Variants in EML4 observed in about 807,000 individuals in gnomAD.
The protein encoded by EML4 is EMAP like 4.
A neutral mutation model predicts 129.0 loss-of-function variants in EML4; 72 were observed. The observed-to-expected ratio is 0.56, with a 90% CI of 0.46 to 0.68. EML4 has a LOEUF of 0.68. Among genes scored for constraint, EML4 ranks in the 30% least tolerant of loss-of-function variants. The pLI is 0.00. For missense variants in EML4, 1,363 were observed against 1,190.6 expected, an observed-to-expected ratio of 1.14 and a Z score of -2.13; for synonymous variants, 532 against 405.0, an observed-to-expected ratio of 1.31 and a Z score of -3.77.
rs375707062 is a variant in EML4 at position 42,306,484 on chromosome 2, C to CTTTTTTTTTTTTTTTTTTT, written c.1967+1941_1967+1959dup. Among the ~76,000 whole-genome samples the CTTTTTTTTTTTTTTTTTTT allele has an allele frequency of 1.7e-3, 130 of 74,604 alleles. 23 individuals are homozygous for CTTTTTTTTTTTTTTTTTTT. Among genetic ancestry groups the CTTTTTTTTTTTTTTTTTTT allele is most frequent in the East Asian group, 8.4e-3 (15 of 1,790 alleles). The allele number at this position is 74,604 out of a possible 152,430, so 48.9% of individuals were successfully genotyped here. ...GTGTCTGATGACCTTGTGCTAAATC[C>CTTTTTTTTTTTTTTTTTTT]TTTTTTTTTTTTTTTTTTTTTTTTT... On this transcript the variant is annotated intron_variant, in intron 17 of 22. Coordinates refer to ENST00000318522, the MANE Select transcript of EML4 (RefSeq NM_019063.5).
At chr2:42,250,455 G>A (rs1675696341) in intron 2 of EML4, among the ~76,000 whole-genome samples, 1 of 152,184 alleles carries the variant, frequency 6.6e-6, no homozygotes, top group Non-Finnish European at 1.5e-5. Flanking sequence ...TTGCCTTGGT[G>A]GGACCCTTAC....
At chr2:42,212,796 T>G (rs1672961024) in intron 1 of EML4, among the ~76,000 whole-genome samples, 1 of 152,212 alleles carries the variant, frequency 6.6e-6, no homozygotes, top group African/African-American at 2.4e-5. Context: ...CATGAGAATA[T>G]AAAAGTATAC....
intron 1 of EML4, among the ~76,000 whole-genome samples, chr2:42,211,382 G>A (rs766704369): frequency 6.6e-6 from 1 of 152,178 alleles, no homozygotes; most frequent in Non-Finnish European, 1.5e-5. Context: ...CTGAAGGTAG[G>A]TTATTGGGTA....
In EML4 at chr2:42,315,977, T is replaced by A; in HGVS notation, c.1983T>A (p.Asp661Glu). Residue 661 changes from aspartate (D) to glutamate (E), a missense_variant, in exon 18 of 23, where the codon GAT becomes GAA. Physicochemically the swap from Asp to Glu is conservative, Grantham distance 45. Coordinates refer to ENST00000318522, the MANE Select transcript of EML4 (RefSeq NM_019063.5). The stretch of plus-strand genomic sequence containing the variant: ...TTCTTAACAGGTGGTTTGTTCTGGA[T>A]GCAGAAACCAGAGATCTAGTTTCTA... ...GTHSGRWFVL[D>E]AETRDLVSIH... 6.2e-7 allele frequency: 1 copy of A among 1,613,338 alleles called. No individual in the cohort carries two copies. The highest frequency in any genetic ancestry group is 8.5e-7 in the Non-Finnish European group (1 of 1,179,420).
chr2:42,251,396 T>A (rs961568524), intron 2 of EML4, among the ~76,000 whole-genome samples: 2 of 152,242 alleles, frequency 1.3e-5, no homozygotes, highest in African/African-American at 4.8e-5. Context: ...AGGTAACAAT[T>A]ACTGTTTACA....
chr2:42,296,187 T>C (rs1420002379), intron 13 of EML4, among the ~76,000 whole-genome samples: 1 of 152,174 alleles, frequency 6.6e-6, no homozygotes, highest in Non-Finnish European at 1.5e-5. Flanking sequence ...CAGAGTACCA[T>C]GTACTTCCTT....
intron 1 of EML4, among the ~76,000 whole-genome samples, chr2:42,202,887 G>A (rs868014744): frequency 6.6e-6 from 1 of 152,220 alleles, no homozygotes; most frequent in East Asian, 1.9e-4. Context: ...AATTAGCCTG[G>A]TGGGGTGGTG....
At chr2:42,181,336 T>A (rs906191046) in intron 1 of EML4, among the ~76,000 whole-genome samples, 7 of 152,198 alleles carry the variant, frequency 4.6e-5, no homozygotes, top group African/African-American at 1.7e-4. Context: ...TCTCACTCTA[T>A]TGCCCAGACT....
intron 1 of EML4, among the ~76,000 whole-genome samples, chr2:42,195,219 G>C (rs1057038429): frequency 4.0e-5 from 6 of 151,896 alleles, no homozygotes; most frequent in African/African-American, 1.5e-4. Flanking sequence ...CAAGTAAGAG[G>C]GTATATGATA....
rs1182724336 is a variant in EML4, at chr2:42,256,611, C to T, written c.319C>T (p.Leu107Phe). The change falls in exon 3 of 23, where the codon CTT becomes TTT. Residue 107 changes from leucine to phenylalanine, a missense_variant. Transcript: ENST00000318522. Reference protein sequence around the residue: ...SAVSIAGKETLSSAAKSGTEK... With the variant: ...SAVSIAGKETFSSAAKSGTEK... ...TGTCTCAATTGCAGGAAAAGAAACT[C>T]TTTCATCTGCTGCTAAAAGGTACCC... is the stretch of plus-strand genomic sequence containing the variant. The T allele has an allele frequency of 1.9e-6, 3 of 1,613,624 alleles. No homozygotes were observed. Among genetic ancestry groups the T allele is most frequent in the Non-Finnish European group, 1.7e-6 (2 of 1,179,740 alleles).
At chr2:42,325,608 A>ATT (rs1669760130) in intron 20 of EML4, 54 bp downstream of exon 20, 1 of 40,936 alleles carries the variant, frequency 2.4e-5, no homozygotes, top group Non-Finnish European at 3.9e-5. Context: ...ATATTTATAT[A>ATT]TATATATATA....
intron 11 of EML4, among the ~76,000 whole-genome samples, chr2:42,290,695 G>A (rs1667588650): frequency 6.6e-6 from 1 of 152,168 alleles, no homozygotes; most frequent in Admixed American, 6.5e-5. Flanking sequence ...TTGTGCCACT[G>A]CACTGCAGCC....
intron 1 of EML4, among the ~76,000 whole-genome samples, chr2:42,192,247 G>A (rs535560164): frequency 6.7e-6 from 1 of 148,782 alleles, no homozygotes; most frequent in Non-Finnish European, 1.5e-5. Context: ...TTTTTTTGGG[G>A]GGGGGAGGTG....
chr2:42,208,690 C>T (rs1328368230), intron 1 of EML4, among the ~76,000 whole-genome samples: 1 of 152,042 alleles, frequency 6.6e-6, no homozygotes, highest in Non-Finnish European at 1.5e-5. Context: ...TCCTTGGCCT[C>T]CCAAAGTGCT....
chr2:42,310,010 A>G (rs1024176526), intron 17 of EML4, among the ~76,000 whole-genome samples: 6 of 152,294 alleles, frequency 3.9e-5, no homozygotes, highest in Middle Eastern at 3.4e-3. Flanking sequence ...ATCTTCATAT[A>G]TAGTATGGCC....
At position 42,329,033 on chromosome 2, in the gene EML4, A is replaced by G. The variant is rs370586425; in HGVS notation, c.2472+17A>G. Reference sequence around the variant, plus strand: ...AAAGCAAAGGTAAACTCACTTTAATAGAAACTAATGTTATAAGGCCTTCTG... The same window carrying G: ...AAAGCAAAGGTAAACTCACTTTAATGGAAACTAATGTTATAAGGCCTTCTG... On this transcript the variant is annotated intron_variant, in intron 22 of 22. Coordinates refer to ENST00000318522, the MANE Select transcript of EML4 (RefSeq NM_019063.5). 3.1e-6 allele frequency: 5 copies of G among 1,606,896 alleles called. No individual in the cohort carries two copies. Among genetic ancestry groups the G allele is most frequent in the Non-Finnish European group, 4.2e-6 (5 of 1,177,368 alleles).
intron 6 of EML4, among the ~76,000 whole-genome samples, chr2:42,277,087 C>A (rs1337677457): frequency 1.3e-5 from 2 of 152,158 alleles, no homozygotes; most frequent in East Asian, 1.9e-4. Context: ...ACTAACCCTC[C>A]CCCTTTGCTA....
intron 19 of EML4, among the ~76,000 whole-genome samples, chr2:42,323,947 TAAAAAAAAAA>T (rs1669655746): frequency 7.6e-6 from 1 of 131,354 alleles, no homozygotes; most frequent in African/African-American, 2.9e-5. Flanking sequence ...CTGTCTCAAT[TAAAAAAAAAA>T]GAAAAGAAAA....
chr2:42,282,661 A>G (rs528413370), intron 7 of EML4, among the ~76,000 whole-genome samples, 162 bp from the exon 8 acceptor site: 6 of 152,292 alleles, frequency 3.9e-5, no homozygotes, highest in South Asian at 2.1e-4. Context: ...CTGAAGGGCT[A>G]GGATTACACG....
Sources: gnomAD v4.1 joint callset for allele counts (sites outside exome capture counted in the v4.1 genomes callset) on GRCh38, gnomAD v4.1.1 for gene constraint, MANE v1.5 for transcripts, NCBI Gene and HGNC (gene_info 2026-07-23, HGNC 2026-07-21) for gene names.